The following CACNA1D variants were observed in gnomAD, a reference collection of about 807,000 sequenced individuals.
The protein encoded by CACNA1D is calcium voltage-gated channel subunit alpha1 D.
In CACNA1D, 55 loss-of-function variants were observed where a neutral mutation model predicts 257.1. That is an observed-to-expected ratio of 0.21 (90% confidence interval 0.17 to 0.27). The LOEUF (loss-of-function observed/expected upper bound fraction) is 0.27, where lower values mean the gene tolerates loss of function less well. Ranked by LOEUF, CACNA1D falls within the 10% of genes least tolerant of loss-of-function variation. The pLI is 1.00. For missense variants in CACNA1D, 1,876 were observed against 2,784.0 expected, an observed-to-expected ratio of 0.67 and a Z score of 7.34; for synonymous variants, 980 against 1,014.9, an observed-to-expected ratio of 0.97 and a Z score of 0.65.
intron 8 of CACNA1D, among the ~76,000 whole-genome samples, chr3:53,696,623 C>G (rs767506349): frequency 1.5e-4 from 23 of 152,122 alleles, no homozygotes; most frequent in Admixed American, 2.6e-4. Flanking sequence ...ATGGGGTAAG[C>G]CAGAGAATGT....
chr3:53,534,092 A>G (rs2092038031), intron 3 of CACNA1D, among the ~76,000 whole-genome samples: 1 of 152,058 alleles, frequency 6.6e-6, no homozygotes, highest in Non-Finnish European at 1.5e-5. Context: ...TGTGTTCTTG[A>G]GTGGGAAGGC....
intron 18 of CACNA1D, among the ~76,000 whole-genome samples, chr3:53,732,403 G>T (rs2095004244): frequency 6.6e-6 from 1 of 152,196 alleles, no homozygotes; most frequent in Non-Finnish European, 1.5e-5. Context: ...ATTGGCTGAT[G>T]TGGGTGGGAC....
In CACNA1D at chr3:53,774,368, T is replaced by C. The variant is rs2095384372; in HGVS notation, c.4111-219T>C. 2 of 546,082 alleles carry C rather than the reference T, an allele frequency of 3.7e-6. No homozygotes were observed. The highest frequency in any genetic ancestry group is 6.6e-6 in the Non-Finnish European group (2 of 303,498). The allele number at this position is 546,082 out of a possible 1,614,324, so 33.8% of individuals were successfully genotyped here. A position where few individuals can be genotyped will look rare whatever the true frequency, so the allele number is the denominator to read the frequency against. ...CTCCCCCAGGGGAGATCCGCGAATGTGAGACCGTGCCCCTCTGGAGCACCA... is the reference window on the plus strand; with the variant it reads ...CTCCCCCAGGGGAGATCCGCGAATGCGAGACCGTGCCCCTCTGGAGCACCA... On this transcript the variant is annotated intron_variant, in intron 33 of 47. Transcript: ENST00000350061. The surrounding 1 kb of genome is among the most constrained non-coding windows in gnomAD (Gnocchi z 4.3).
chr3:53,798,301 ATGTG>A (rs1368042377), intron 40 of CACNA1D, among the ~76,000 whole-genome samples: 1 of 122,522 alleles, frequency 8.2e-6, no homozygotes, highest in African/African-American at 2.6e-5. Flanking sequence ...AAGTGTGTGT[ATGTG>A]TGCGTGTGTG....
intron 3 of CACNA1D, among the ~76,000 whole-genome samples, chr3:53,583,472 C>T (rs936036697): frequency 6.6e-6 from 1 of 152,178 alleles, no homozygotes; most frequent in African/African-American, 2.4e-5. Context: ...AAGTATAGAG[C>T]CAGACCCAAA....
chr3:53,599,802 C>T (rs915619824), intron 3 of CACNA1D, among the ~76,000 whole-genome samples: 10 of 152,206 alleles, frequency 6.6e-5, no homozygotes, highest in African/African-American at 1.9e-4. Flanking sequence ...CCACCCACGG[C>T]TTTCTAGCAG....
At chr3:53,579,115 G>T (rs1314330270) in intron 3 of CACNA1D, among the ~76,000 whole-genome samples, 2 of 152,222 alleles carry the variant, frequency 1.3e-5, no homozygotes, top group African/African-American at 4.8e-5. Flanking sequence ...AGGCCTGCAG[G>T]TGACTTCCAG....
At chr3:53,674,272 G>A (rs1285226910) in intron 8 of CACNA1D, among the ~76,000 whole-genome samples, 2 of 152,178 alleles carry the variant, frequency 1.3e-5, no homozygotes, top group African/African-American at 4.8e-5. Context: ...TTACTGTGAA[G>A]GAGAAATAAG....
At position 53,689,955 on chromosome 3, in the gene CACNA1D, C is replaced by T. The variant is rs114748665; in HGVS notation, c.1221-12686C>T. On this transcript the variant is annotated intron_variant, in intron 8 of 47. Coordinates refer to ENST00000350061, the MANE Select transcript of CACNA1D (RefSeq NM_001128840.3). ...AATTACAGGTATGAGCCACTGCACC[C>T]GGCTAGATTTTTTTTTAATTGCTTA... 8.3e-3 allele frequency among the ~76,000 whole-genome samples: 1,259 copies of T among 152,286 alleles called. 19 individuals carry two copies. The highest frequency in any genetic ancestry group is 0.028 in the African/African-American group (1,179 of 41,538).
intron 15 of CACNA1D, among the ~76,000 whole-genome samples, chr3:53,730,120 A>G (rs989113973): frequency 5.3e-5 from 8 of 152,244 alleles, no homozygotes; most frequent in Admixed American, 3.9e-4. Flanking sequence ...AATGTATAAC[A>G]TAGCTATAGA....
intron 30 of CACNA1D, among the ~76,000 whole-genome samples, chr3:53,763,175 A>G (rs1005532405): frequency 2.0e-5 from 3 of 152,230 alleles, no homozygotes; most frequent in Non-Finnish European, 4.4e-5. Context: ...CCAAAGGGTG[A>G]TGCCAGCCAG....
chr3:53,505,415 C>T lies in CACNA1D; in HGVS notation c.483+3695C>T, dbSNP rs961516986. 3.3e-5 allele frequency among the ~76,000 whole-genome samples: 5 copies of T among 152,260 alleles called. No homozygotes were observed. In the South Asian group the frequency reaches 1.0e-3, roughly 32 times the overall value. On this transcript the variant is annotated intron_variant, in intron 3 of 47. Coordinates refer to ENST00000350061, the MANE Select transcript of CACNA1D (RefSeq NM_001128840.3). ...TGAGCCACCGCGCCTGGCCTATATG[C>T]ACATCTTTATCCTCTGGAGCGTCTT...
At chr3:53,750,685 G>A (rs529142082) in intron 27 of CACNA1D, among the ~76,000 whole-genome samples, 90 of 152,306 alleles carry the variant, frequency 5.9e-4, no homozygotes, top group African/African-American at 2.1e-3. Flanking sequence ...CAGAGCCAGC[G>A]CTGAAAGTGT....
chr3:53,811,532 T>C lies in CACNA1D; in HGVS notation c.*126T>C. 1.3e-6 allele frequency: 1 copy of C among 765,264 alleles called. No individual in the cohort carries two copies. The allele number at this position is 765,264 out of a possible 1,614,324, so 47.4% of individuals were successfully genotyped here. ...TAATATTCAATTAATTAGACTTTTG[T>C]ATAAGAGATGTCATGCCTCAAGAAA... On this transcript the variant is annotated 3_prime_UTR_variant, in exon 48 of 48. Transcript: ENST00000350061. This position sits in a 1 kb window ranked among gnomAD's most constrained non-coding sequence, Gnocchi z 4.2.
intron 8 of CACNA1D, among the ~76,000 whole-genome samples, chr3:53,698,286 G>A (rs561034639): frequency 6.6e-6 from 1 of 152,322 alleles, no homozygotes; most frequent in African/African-American, 2.4e-5. Context: ...GCTCCCAGCA[G>A]CATTAGCACA....
At chr3:53,637,658 G>A (rs2093900640) in intron 3 of CACNA1D, among the ~76,000 whole-genome samples, 1 of 152,112 alleles carries the variant, frequency 6.6e-6, no homozygotes, top group South Asian at 2.1e-4. Flanking sequence ...TCTAGCCTCT[G>A]GGAGGTGTCA....
At chr3:53,675,301 C>G (rs1184981726) in intron 8 of CACNA1D, among the ~76,000 whole-genome samples, 1 of 152,236 alleles carries the variant, frequency 6.6e-6, no homozygotes, top group Non-Finnish European at 1.5e-5. Flanking sequence ...TCCTAGTAAA[C>G]CTCAGTGGCC....
intron 8 of CACNA1D, among the ~76,000 whole-genome samples, chr3:53,696,554 T>A (rs2094574955): frequency 6.6e-6 from 1 of 152,202 alleles, no homozygotes. Flanking sequence ...TGTATTCATG[T>A]TTTGGTGCTC....
chr3:53,576,155 A>G (rs191528608), intron 3 of CACNA1D, among the ~76,000 whole-genome samples: 18 of 152,298 alleles, frequency 1.2e-4, no homozygotes, highest in African/African-American at 3.6e-4. Flanking sequence ...CAGTGGGAGC[A>G]TGCTGCTGCT....
Sources: allele counts gnomAD v4.1 joint callset (sites outside exome capture counted in the v4.1 genomes callset), GRCh38; gene constraint gnomAD v4.1.1; non-coding constraint Gnocchi (gnomAD v3.1); transcripts MANE v1.5; gene names NCBI Gene and HGNC (gene_info 2026-07-23, HGNC 2026-07-21).